Variants in SHISAL2A observed in about 807,000 individuals in gnomAD.
The protein encoded by SHISAL2A is protein shisa-like-2A.
In SHISAL2A, 18 loss-of-function variants were observed where a neutral mutation model predicts 11.5. The observed-to-expected ratio is 1.57, with a 90% confidence interval of 1.08 to 2.33. SHISAL2A has a LOEUF of 2.33. SHISAL2A is among the 30% of genes most tolerant of loss of function. The pLI is 0.00. For missense variants in SHISAL2A, 261 were observed against 250.9 expected, an observed-to-expected ratio of 1.04 and a Z score of -0.27; for synonymous variants, 94 against 99.6, an observed-to-expected ratio of 0.94 and a Z score of 0.34.
chr1:52,662,025 T>C (rs1194829687), downstream of SHISAL2A, among the ~76,000 whole-genome samples: 7 of 149,324 alleles, frequency 4.7e-5, no homozygotes, highest in Admixed American at 3.4e-4. Flanking sequence ...AGAGCAAGAC[T>C]CCGTCTCAAA....
intron 2 of SHISAL2A, among the ~76,000 whole-genome samples, chr1:52,652,161 G>A (rs907243764): frequency 2.0e-5 from 3 of 152,162 alleles, no homozygotes; most frequent in African/African-American, 7.2e-5. Context: ...AAGAGCTGGG[G>A]ATAGTTGGCC....
At chr1:52,667,568 GAACC>G in exon 5 of SHISAL2A, 3 of 193,710 alleles carry the variant, frequency 1.5e-5, no homozygotes, top group Non-Finnish European at 2.8e-5. Flanking sequence ...GAGCCTCACA[GAACC>G]CTGTGAGGTA....
chr1:52,657,185 T>C, downstream of SHISAL2A: 2 of 1,139,420 alleles, frequency 1.8e-6, no homozygotes, highest in Non-Finnish European at 2.4e-6. Context: ...CCTGCCATAC[T>C]GTTCTGCTTG....
At chr1:52,652,189 T>A (rs1320416610) in intron 2 of SHISAL2A, among the ~76,000 whole-genome samples, 6 of 152,218 alleles carry the variant, frequency 3.9e-5, no homozygotes, top group Admixed American at 3.9e-4. Context: ...GAGGAGACTC[T>A]GGGCTCACAG....
Position 52,664,348 on chromosome 1 carries a change from G to A in SHISAL2A, n.696-3051G>A, listed in dbSNP as rs577362231. 1.4e-4 allele frequency among the ~76,000 whole-genome samples: 20 copies of A among 148,004 alleles called. No individual in the cohort carries two copies. In the East Asian group the frequency reaches 3.0e-3, roughly 22 times the overall value. ...TGGGACTACAGGCGCCGGCCACCAC[G>A]CCCAGCTAATTTTTTTTTTTTTTTG... is the stretch of plus-strand genomic sequence containing the variant. On this transcript the variant is annotated intron_variant and non_coding_transcript_variant, in intron 4 of 5. Coordinates refer to the SHISAL2A transcript ENST00000401050.
At chr1:52,656,382 T>G (rs889601235) in intron 2 of SHISAL2A, among the ~76,000 whole-genome samples, 7 of 152,112 alleles carry the variant, frequency 4.6e-5, no homozygotes, top group African/African-American at 1.7e-4. Flanking sequence ...GATAAGTCAC[T>G]CAGCAAAGAG....
downstream of SHISAL2A, among the ~76,000 whole-genome samples, chr1:52,658,228 C>T (rs899871272): frequency 2.0e-5 from 3 of 151,958 alleles, no homozygotes; most frequent in Non-Finnish European, 2.9e-5. Flanking sequence ...TTAGTGGAGA[C>T]GGGGTTTCAC....
intron 2 of SHISAL2A, among the ~76,000 whole-genome samples, chr1:52,654,095 G>A (rs1691734883): frequency 6.6e-6 from 1 of 152,008 alleles, no homozygotes. Flanking sequence ...TATTTTTGTA[G>A]AGATGGGTTC....
At chr1:52,636,846 T>C (rs922611017) in intron 1 of SHISAL2A, among the ~76,000 whole-genome samples, 8 of 152,230 alleles carry the variant, frequency 5.3e-5, no homozygotes, top group African/African-American at 1.9e-4. Context: ...TCCTGTCTAC[T>C]ACTGTCTGGA....
chr1:52,656,036 C>T (rs530497284), intron 2 of SHISAL2A, among the ~76,000 whole-genome samples: 24 of 151,854 alleles, frequency 1.6e-4, no homozygotes, highest in African/African-American at 5.6e-4. Flanking sequence ...AGAGATGACT[C>T]GAATTTTTGG....
chr1:52,659,755 G>T (rs914608676), downstream of SHISAL2A, among the ~76,000 whole-genome samples: 1 of 152,218 alleles, frequency 6.6e-6, no homozygotes, highest in Admixed American at 6.5e-5. Flanking sequence ...CGCTCTGTGC[G>T]ACCCTTCACA....
At chr1:52,666,263 A>C (rs1692012114) in intron 4 of SHISAL2A, among the ~76,000 whole-genome samples, 1 of 152,086 alleles carries the variant, frequency 6.6e-6, no homozygotes, top group African/African-American at 2.4e-5. Flanking sequence ...ACCAGCCTGG[A>C]CAACATGATG....
At chr1:52,662,864 T>A (rs79428672) in intron 4 of SHISAL2A, among the ~76,000 whole-genome samples, 1 of 152,182 alleles carries the variant, frequency 6.6e-6, no homozygotes, top group African/African-American at 2.4e-5. Context: ...CTAGGTTAAA[T>A]AGACAGTTAA....
downstream of SHISAL2A, chr1:52,657,067 C>A: frequency 6.4e-7 from 1 of 1,556,656 alleles, no homozygotes; most frequent in South Asian, 1.2e-5. Flanking sequence ...TCCATACCAT[C>A]CCCTTCTGGA....
downstream of SHISAL2A, among the ~76,000 whole-genome samples, chr1:52,662,043 A>T (rs190886881): frequency 0.011 from 1,690 of 152,048 alleles, 18 homozygotes; most frequent in Middle Eastern, 0.024. Context: ...AAAAAAAAAA[A>T]AATAATAATA....
rs1691171180 is a variant in SHISAL2A, at chr1:52,633,469, G to A, written c.-25G>A. ...AGCCGGCCGTCTGGTGGCCCGAGGT[G>A]GCGGCGGGCTGGGCGCGGGGCGCGA... is the stretch of plus-strand genomic sequence containing the variant. On this transcript the variant is annotated 5_prime_UTR_variant, in exon 1 of 3. Transcript: ENST00000517870. The surrounding 1 kb of genome is among the most constrained non-coding windows in gnomAD (Gnocchi z 6.4). The A allele has an allele frequency of 2.7e-6, 4 of 1,459,982 alleles. No homozygotes were observed. In the African/African-American group the frequency reaches 4.5e-5, roughly 16 times the overall value. 90.4% of individuals were successfully genotyped at this position (1,459,982 alleles called of 1,614,324 possible).
intron 1 of SHISAL2A, among the ~76,000 whole-genome samples, chr1:52,642,237 G>T (rs1277713776): frequency 6.6e-6 from 1 of 152,166 alleles, no homozygotes; most frequent in Non-Finnish European, 1.5e-5. Flanking sequence ...GGTCCCTGGG[G>T]TGGGAGCAGG....
At chr1:52,665,561 T>G (rs982988849) in intron 4 of SHISAL2A, among the ~76,000 whole-genome samples, 5 of 152,304 alleles carry the variant, frequency 3.3e-5, no homozygotes, top group Non-Finnish European at 5.9e-5. Flanking sequence ...GTATGCATTA[T>G]CCATATTCAT....
chr1:52,657,080 C>T (rs1460747986), downstream of SHISAL2A: 6 of 1,535,318 alleles, frequency 3.9e-6, no homozygotes, highest in Non-Finnish European at 4.4e-6. Context: ...CTTCTGGAGT[C>T]TCTTCAGTGA....
Sources: allele counts gnomAD v4.1 joint callset (sites outside exome capture counted in the v4.1 genomes callset), GRCh38; gene constraint gnomAD v4.1.1; non-coding constraint Gnocchi (gnomAD v3.1); transcripts MANE v1.5; gene names NCBI Gene and HGNC (gene_info 2026-07-23, HGNC 2026-07-21).